TENM2: variants seen among roughly 807,000 people sequenced by gnomAD.
TENM2 encodes the protein teneurin transmembrane protein 2, also known as teneurin-2.
In TENM2, 52 loss-of-function variants were observed where a neutral mutation model predicts 245.2. That is an observed-to-expected ratio of 0.21 (90% CI 0.17 to 0.27). The LOEUF (loss-of-function observed/expected upper bound fraction) is 0.27, where lower values mean the gene tolerates loss of function less well. TENM2 is among the 10% of genes least tolerant of loss of function. The probability of loss-of-function intolerance (pLI) is 1.00; values close to 1 mark genes in which losing one functional copy is unlikely to be tolerated. For missense variants in TENM2, 3,046 were observed against 3,666.8 expected, an observed-to-expected ratio of 0.83 and a Z score of 4.37; for synonymous variants, 1,363 against 1,438.9, an observed-to-expected ratio of 0.95 and a Z score of 1.19.
At chr5:166,979,989 C>A in the TENM2 span, among the ~76,000 whole-genome samples, 4 of 152,146 alleles carry the variant, frequency 2.6e-5, no homozygotes, top group African/African-American at 7.2e-5. Flanking sequence ...GATTCCAGAA[C>A]TACTGTATGG....
intron 13 of TENM2, among the ~76,000 whole-genome samples, chr5:168,183,438 G>T (rs745503274): frequency 2.0e-5 from 3 of 151,934 alleles, no homozygotes; most frequent in Non-Finnish European, 4.4e-5. Context: ...TGCCCTGCAG[G>T]AGTTTACCTC....
intron 5 of TENM2, among the ~76,000 whole-genome samples, chr5:168,013,636 A>AAAAG (rs1785436530): frequency 9.7e-6 from 1 of 103,428 alleles, no homozygotes; most frequent in Non-Finnish European, 2.1e-5. Flanking sequence ...CAAAACAAAA[A>AAAAG]GCCAAGTTTC....
intron 2 of TENM2, among the ~76,000 whole-genome samples, chr5:167,534,804 C>T (rs529990876): frequency 1.6e-4 from 25 of 152,250 alleles, no homozygotes; most frequent in East Asian, 5.8e-4. Context: ...CGTCTGTCAA[C>T]GTGGATTTCC....
intron 2 of TENM2, among the ~76,000 whole-genome samples, chr5:167,783,527 G>A (rs1276392561): frequency 6.6e-6 from 1 of 152,204 alleles, no homozygotes; most frequent in Non-Finnish European, 1.5e-5. Context: ...AATGCAGTTA[G>A]ATGCCACGGC....
chr5:167,595,263 G>A (rs887271787), intron 2 of TENM2, among the ~76,000 whole-genome samples: 6 of 152,168 alleles, frequency 3.9e-5, no homozygotes, highest in African/African-American at 1.4e-4. Context: ...ACTATAAGAT[G>A]TAAAATTACT....
chr5:168,088,593 G>A (rs941144336), intron 7 of TENM2, among the ~76,000 whole-genome samples: 1 of 152,146 alleles, frequency 6.6e-6, no homozygotes, highest in Admixed American at 6.5e-5. Flanking sequence ...TAATAAAATG[G>A]TTGTTATCTT....
chr5:167,354,032 G>A (rs903906165), intron 1 of TENM2, among the ~76,000 whole-genome samples: 3 of 152,168 alleles, frequency 2.0e-5, no homozygotes, highest in Admixed American at 6.5e-5. Context: ...CTTGATGAAT[G>A]GAACTACGAC....
chr5:167,105,565 G>GTTGT, the TENM2 span, among the ~76,000 whole-genome samples: 1 of 152,152 alleles, frequency 6.6e-6, no homozygotes, highest in African/African-American at 2.4e-5. Flanking sequence ...GTAATTAAGT[G>GTTGT]TTGTTAGGTT....
chr5:168,238,153 AAGAAAG>A (rs1463548007), intron 25 of TENM2, among the ~76,000 whole-genome samples: 1 of 101,858 alleles, frequency 9.8e-6, no homozygotes, highest in African/African-American at 5.5e-5. Context: ...TCAAGAAAGA[AAGAAAG>A]AGAGAGAGAG....
intron 2 of TENM2, among the ~76,000 whole-genome samples, chr5:167,562,668 G>A (rs1773668940): frequency 6.6e-6 from 1 of 152,116 alleles, no homozygotes; most frequent in South Asian, 2.1e-4. Context: ...CTTGTGATCA[G>A]TCAAATAGAA....
the TENM2 span, among the ~76,000 whole-genome samples, chr5:167,177,426 G>A: frequency 6.6e-6 from 1 of 152,280 alleles, no homozygotes; most frequent in Non-Finnish European, 1.5e-5. Flanking sequence ...GCAATCCCTT[G>A]TGGGCAATTT....
At chr5:167,012,574 C>G in the TENM2 span, among the ~76,000 whole-genome samples, 2 of 152,102 alleles carry the variant, frequency 1.3e-5, no homozygotes, top group South Asian at 4.2e-4. Flanking sequence ...TAATGAGATA[C>G]AACCACACAT....
chr5:167,152,061 T>C, the TENM2 span, among the ~76,000 whole-genome samples: 1 of 152,218 alleles, frequency 6.6e-6, no homozygotes, highest in Non-Finnish European at 1.5e-5. Context: ...GATGCTCTTG[T>C]ATACAAAATT....
intron 9 of TENM2, among the ~76,000 whole-genome samples, chr5:168,108,621 T>C (rs930914441): frequency 2.0e-5 from 3 of 152,224 alleles, no homozygotes; most frequent in African/African-American, 7.2e-5. Flanking sequence ...GAAAGTAAGC[T>C]ACTTCCCCAA....
intron 2 of TENM2, among the ~76,000 whole-genome samples, chr5:167,737,728 C>A (rs746465714): frequency 1.8e-4 from 28 of 152,316 alleles, no homozygotes; most frequent in Non-Finnish European, 4.4e-5. Flanking sequence ...GTTGATGTAG[C>A]ACTGCCTCTG....
At chr5:167,389,740 A>G (rs1014804439) in intron 2 of TENM2, among the ~76,000 whole-genome samples, 1 of 152,072 alleles carries the variant, frequency 6.6e-6, no homozygotes, top group Non-Finnish European at 1.5e-5. Flanking sequence ...CCTCAGAGGA[A>G]CTCTTGCACC....
exon 17 of TENM2, chr5:168,200,026 C>T: frequency 6.2e-7 from 1 of 1,614,002 alleles, no homozygotes; most frequent in South Asian, 1.1e-5. Context: ...CGAGGGGCAT[C>T]TCTTCCAGAA....
At chr5:167,345,857 C>T (rs552284478) in intron 1 of TENM2, among the ~76,000 whole-genome samples, 2 of 146,430 alleles carry the variant, frequency 1.4e-5, no homozygotes, top group Admixed American at 7.0e-5. Flanking sequence ...ATCTGATTAG[C>T]TCTCATCATT....
chr5:167,013,610 G>A, the TENM2 span, among the ~76,000 whole-genome samples: 1 of 152,146 alleles, frequency 6.6e-6, no homozygotes, highest in Admixed American at 6.5e-5. Flanking sequence ...GGGAGGCTGA[G>A]GCAGGAGAAT....
Sources: allele counts gnomAD v4.1 joint callset (sites outside exome capture counted in the v4.1 genomes callset), GRCh38; gene constraint gnomAD v4.1.1; transcripts MANE v1.5; gene names NCBI Gene and HGNC (gene_info 2026-07-23, HGNC 2026-07-21).